Variants in GBE1 observed in about 807,000 individuals in gnomAD.
The protein encoded by GBE1 is 1,4-alpha-glucan-branching enzyme.
A neutral mutation model predicts 88.8 loss-of-function variants in GBE1; 70 were observed. The observed-to-expected ratio is 0.79, with a 90% CI of 0.65 to 0.96. GBE1 has a LOEUF of 0.96. Among genes scored for constraint, GBE1 ranks in the 40% least tolerant of loss-of-function variants. The pLI is 0.00. For missense variants in GBE1, 872 were observed against 871.0 expected, an observed-to-expected ratio of 1.00 and a Z score of -0.01; for synonymous variants, 284 against 300.1, an observed-to-expected ratio of 0.95 and a Z score of 0.56.
At chr3:81,584,403 A>G (rs1242869040) in intron 10 of GBE1, among the ~76,000 whole-genome samples, 1 of 152,068 alleles carries the variant, frequency 6.6e-6, no homozygotes, top group Non-Finnish European at 1.5e-5. Context: ...TATAGGGAGA[A>G]TGGGAGCCAC....
chr3:81,736,897 T>C (rs1706263583), intron 1 of GBE1, among the ~76,000 whole-genome samples: 1 of 152,106 alleles, frequency 6.6e-6, no homozygotes, highest in Non-Finnish European at 1.5e-5. Context: ...TAAAATGTTA[T>C]AAACAGATTT....
chr3:81,756,018 A>C (rs2107242991), intron 1 of GBE1, among the ~76,000 whole-genome samples: 1 of 152,182 alleles, frequency 6.6e-6, no homozygotes, highest in East Asian at 1.9e-4. Context: ...CCAATGTGAA[A>C]ATTATTTTAT....
At chr3:81,530,682 C>T (rs1702999625) in intron 14 of GBE1, among the ~76,000 whole-genome samples, 1 of 151,968 alleles carries the variant, frequency 6.6e-6, no homozygotes, top group Admixed American at 6.6e-5. Flanking sequence ...TCATCTCTCA[C>T]TCTATCCTGA....
chr3:81,616,057 T>A (rs1704244316), intron 7 of GBE1, among the ~76,000 whole-genome samples: 2 of 151,892 alleles, frequency 1.3e-5, no homozygotes, highest in African/African-American at 4.9e-5. Flanking sequence ...ATCTATATAT[T>A]CTGTTTTCTT....
At chr3:81,675,523 C>G (rs1437478662) in intron 2 of GBE1, among the ~76,000 whole-genome samples, 2 of 151,936 alleles carry the variant, frequency 1.3e-5, no homozygotes, top group Non-Finnish European at 2.9e-5. Context: ...TTAGTGTCTA[C>G]AGATAATATT....
At chr3:81,523,320 A>C (rs1702898324) in intron 14 of GBE1, among the ~76,000 whole-genome samples, 2 of 151,306 alleles carry the variant, frequency 1.3e-5, no homozygotes, top group South Asian at 4.1e-4. Context: ...CCATTTGTTG[A>C]CAATGATAAA....
intron 1 of GBE1, among the ~76,000 whole-genome samples, chr3:81,754,409 TC>T (rs1706574445): frequency 6.6e-6 from 1 of 150,546 alleles, no homozygotes; most frequent in South Asian, 2.1e-4. Flanking sequence ...CTCAATGCAA[TC>T]CCTATCAAAA....
intron 1 of GBE1, among the ~76,000 whole-genome samples, chr3:81,741,839 T>C (rs1706353586): frequency 2.7e-5 from 4 of 147,562 alleles, no homozygotes; most frequent in Admixed American, 2.0e-4. Context: ...TTATATAGAT[T>C]ATATATAATA....
chr3:81,707,338 T>G (rs1705791994), intron 1 of GBE1, among the ~76,000 whole-genome samples: 1 of 152,070 alleles, frequency 6.6e-6, no homozygotes, highest in African/African-American at 2.4e-5. Context: ...TCTATTCATA[T>G]CTAAGGGATT....
intron 2 of GBE1, among the ~76,000 whole-genome samples, chr3:81,691,718 G>A (rs762036014): frequency 1.0e-3 from 152 of 152,198 alleles, no homozygotes; most frequent in Non-Finnish European, 1.5e-3. Context: ...GTTGGAGGCC[G>A]CATTAAGCCA....
At position 81,566,243 on chromosome 3, in the gene GBE1, C is replaced by G. The variant is rs118172718; in HGVS notation, c.1618+11682G>C. Among the ~76,000 whole-genome samples, 1,044 of 152,286 alleles carry G rather than the reference C, an allele frequency of 6.9e-3. 26 individuals are homozygous for G. Among genetic ancestry groups the G allele is most frequent in the Admixed American group, 0.05 (761 of 15,284 alleles). The stretch of plus-strand genomic sequence containing the variant: ...TTCACTTCCTAGCCTTAAGAATCAC[C>G]TGGGAATCATTTTAAGATTCTTTTT... On this transcript the variant is annotated intron_variant, in intron 12 of 15. Transcript: ENST00000429644.
chr3:81,705,516 A>T lies in GBE1; in HGVS notation c.241T>A (p.Cys81Ser). The T allele has an allele frequency of 6.2e-7, 1 of 1,603,566 alleles. No individual in the cohort carries two copies. The highest frequency in any genetic ancestry group is 8.5e-7 in the Non-Finnish European group (1 of 1,174,754). Residue 81 changes from cysteine (C) to serine (S), a missense_variant, in exon 2 of 16, where the codon TGT becomes AGT. Transcript: ENST00000429644. ...TTGCAGTATAAACCACCATCAGCAC[A>T]TCTGTGGACGCCAAATGATTCATAG... ...RGYESFGVHRCADGGLYCKEW... is the reference protein window; with the variant it reads ...RGYESFGVHRSADGGLYCKEW...
intron 14 of GBE1, among the ~76,000 whole-genome samples, chr3:81,533,370 G>A (rs1477205301): frequency 6.6e-6 from 1 of 152,076 alleles, no homozygotes; most frequent in Non-Finnish European, 1.5e-5. Flanking sequence ...TAAAGAGACA[G>A]ACAACACAGC....
At chr3:81,759,617 C>A (rs1706652027) in intron 1 of GBE1, among the ~76,000 whole-genome samples, 2 of 152,178 alleles carry the variant, frequency 1.3e-5, no homozygotes, top group Admixed American at 6.5e-5. Context: ...TTACTCAGAA[C>A]CAAGGACAAA....
chr3:81,659,057 A>G (rs539421828), intron 3 of GBE1, among the ~76,000 whole-genome samples: 14 of 152,292 alleles, frequency 9.2e-5, no homozygotes, highest in African/African-American at 3.4e-4. Context: ...AAAATCAGTG[A>G]GTTTTCATTA....
At chr3:81,547,432 A>G (rs1382016179) in intron 12 of GBE1, among the ~76,000 whole-genome samples, 3 of 151,530 alleles carry the variant, frequency 2.0e-5, no homozygotes, top group Non-Finnish European at 4.4e-5. Flanking sequence ...GTAAAGGACC[A>G]TGGGAAATGG....
chr3:81,724,594 C>T (rs764369716), intron 1 of GBE1, among the ~76,000 whole-genome samples: 1 of 152,130 alleles, frequency 6.6e-6, no homozygotes, highest in Non-Finnish European at 1.5e-5. Context: ...TTTCCCGTTT[C>T]CACAGCTCCT....
intron 12 of GBE1, among the ~76,000 whole-genome samples, chr3:81,548,206 C>T (rs976078461): frequency 2.0e-4 from 31 of 151,270 alleles, no homozygotes; most frequent in African/African-American, 5.6e-4. Context: ...GAGCACTAAT[C>T]GACACTTTAA....
chr3:81,493,325 T>C (rs750762349), intron 15 of GBE1, among the ~76,000 whole-genome samples: 20 of 152,134 alleles, frequency 1.3e-4, no homozygotes, highest in Non-Finnish European at 2.8e-4. Context: ...AGGCCTAGGA[T>C]AAATAATGAC....
Sources: gnomAD v4.1 joint callset for allele counts (sites outside exome capture counted in the v4.1 genomes callset) on GRCh38, gnomAD v4.1.1 for gene constraint, MANE v1.5 for transcripts, NCBI Gene and HGNC (gene_info 2026-07-23, HGNC 2026-07-21) for gene names.